The following CRMP1 variants were observed in gnomAD, a reference collection of about 807,000 sequenced individuals.
CRMP1 encodes collapsin response mediator protein 1.
A neutral mutation model predicts 68.3 loss-of-function variants in CRMP1; 19 were observed. The observed-to-expected ratio is 0.28, with a 90% CI of 0.19 to 0.41. The LOEUF (loss-of-function observed/expected upper bound fraction) is 0.41. Among genes scored for constraint, CRMP1 ranks in the 10% least tolerant of loss-of-function variants. CRMP1 has a pLI of 1.00. For missense variants in CRMP1, 791 were observed against 967.4 expected (o/e 0.82, Z 2.42); for synonymous variants, 439 against 399.6 (o/e 1.10, Z -1.18).
intron 1 of CRMP1, among the ~76,000 whole-genome samples, chr4:5,878,186 C>G (rs1433697685): frequency 6.6e-6 from 1 of 151,700 alleles, no homozygotes; most frequent in African/African-American, 2.4e-5. Flanking sequence ...GGTACAGCAG[C>G]TAGGATTTGA....
chr4:5,833,133 T>G (rs1469044190), intron 11 of CRMP1, among the ~76,000 whole-genome samples: 1 of 151,658 alleles, frequency 6.6e-6, no homozygotes. Context: ...GGCCAACACC[T>G]TGGTTTCAAC....
In CRMP1 at chr4:5,828,565, T is replaced by G; in HGVS notation, c.1727A>C (p.Asn576Thr). ...IVFEDGNINV[N>T]KGMGRFIPRK... ...CGGAATGAAGCGGCCCATGCCCTTG[T>G]TGACGTTGATGTTTCCGTCTTCAAA... Residue 576 changes from asparagine (N) to threonine (T), a missense_variant, in exon 12 of 14, where the codon AAC becomes ACC. Asn to Thr is a moderately conservative substitution (Grantham distance 65). Around this residue, in one of 3 missense-constraint regions of CRMP1, gnomAD observed 594 missense variants for 763.6 expected, o/e 0.78. Transcript: ENST00000324989. 3.1e-6 allele frequency: 5 copies of G among 1,614,216 alleles called. No individual in the cohort carries two copies. Among genetic ancestry groups the G allele is most frequent in the Non-Finnish European group, 4.2e-6 (5 of 1,180,024 alleles).
rs113302951 is a variant in CRMP1, at chr4:5,862,556, C to A, written c.471-1346G>T. Among the ~76,000 whole-genome samples the A allele has an allele frequency of 6.9e-3, 1,047 of 152,312 alleles. 13 individuals are homozygous for A. The highest frequency in any genetic ancestry group is 0.023 in the African/African-American group (976 of 41,570). ...CAACTGGAGAACAGCGTCTTCTAAG[C>A]GCATCACGGCTTCTCTCATTGAAGG... On this transcript the variant is annotated intron_variant, in intron 2 of 13. Coordinates refer to ENST00000324989, the MANE Select transcript of CRMP1 (RefSeq NM_001014809.3).
At position 5,835,931 on chromosome 4, in the gene CRMP1, G is replaced by T; in HGVS notation, c.1607C>A (p.Ala536Asp). ...AGGACTTACCGACTTGTGACTTTTG[G>T]CTGTTATGGTCTTCAACTTGTCGGG... Reference protein sequence around the residue: ...WDPDKLKTITAKSHKSAVEYN... With the variant: ...WDPDKLKTITDKSHKSAVEYN... Residue 536 changes from alanine to aspartate, a missense_variant, in exon 11 of 14, where the codon GCC becomes GAC. Around this residue, in one of 3 missense-constraint regions of CRMP1, gnomAD observed 594 missense variants for 763.6 expected, o/e 0.78. Transcript: ENST00000324989. 6.4e-7 allele frequency: 1 copy of T among 1,554,846 alleles called. No individual in the cohort carries two copies. The highest frequency in any genetic ancestry group is 8.7e-7 in the Non-Finnish European group (1 of 1,153,334).
chr4:5,843,440 G>C lies in CRMP1; in HGVS notation c.964-279C>G, dbSNP rs1026965489. On this transcript the variant is annotated intron_variant, in intron 6 of 13. Coordinates refer to ENST00000324989, the MANE Select transcript of CRMP1 (RefSeq NM_001014809.3). This position sits in a 1 kb window ranked among gnomAD's most constrained non-coding sequence, Gnocchi z 4.1. The stretch of plus-strand genomic sequence containing the variant: ...GAGGAAGCAGGGTTATAAGACACGA[G>C]CTTCCAAGGCCACCCACCACTCTCT... Among the ~76,000 whole-genome samples, 4 of 152,078 alleles carry C rather than the reference G, an allele frequency of 2.6e-5. No homozygotes were observed. The highest frequency in any genetic ancestry group is 9.7e-5 in the African/African-American group (4 of 41,418).
intron 12 of CRMP1, 151 bp downstream of exon 12, chr4:5,828,338 G>A (rs1720015612): frequency 7.0e-7 from 1 of 1,425,780 alleles, no homozygotes; most frequent in East Asian, 2.5e-5. Flanking sequence ...AGGAGCCCAG[G>A]CCAGCGTCTC....
Position 5,856,277 on chromosome 4 carries a change from C to T in CRMP1, c.686G>A (p.Ser229Asn), listed in dbSNP as rs757022185. ...IDHVVPEPGS[S>N]LLTSFEKWHE... Reference sequence around the variant, plus strand: ...CCACTTCTCGAAAGAGGTCAGTAGGCTGGACCCAGGTTCAGGAACAACATG... The same window carrying T: ...CCACTTCTCGAAAGAGGTCAGTAGGTTGGACCCAGGTTCAGGAACAACATG... The change falls in exon 4 of 14, where the codon AGC becomes AAC. Residue 229 changes from serine (S) to asparagine (N), a missense_variant. Transcript: ENST00000324989. 1 of 1,613,818 alleles carries T rather than the reference C, an allele frequency of 6.2e-7. No homozygotes were observed. Among genetic ancestry groups the T allele is most frequent in the South Asian group, 1.1e-5 (1 of 91,072 alleles).
intron 13 of CRMP1, chr4:5,824,603 A>G (rs1719238935): frequency 1.1e-6 from 1 of 952,034 alleles, no homozygotes; most frequent in African/African-American, 1.8e-5. Flanking sequence ...CTGTTTCTGT[A>G]CGATCCATGA....
chr4:5,884,387 ACACACCCC>A (rs1368002468), intron 1 of CRMP1, among the ~76,000 whole-genome samples: 1 of 151,966 alleles, frequency 6.6e-6, no homozygotes, highest in African/African-American at 2.4e-5. Flanking sequence ...AAACACACAC[ACACACCCC>A]CACACCCACA....
chr4:5,825,619 C>A lies in CRMP1; in HGVS notation c.1844G>T (p.Gly615Val), dbSNP rs1719431243. ...TGTAGCTGGTACCTCGTACACAGGA[C>A]CGTCATACATGCCCCTGGAAACCCC... is the stretch of plus-strand genomic sequence containing the variant. The part of the protein sequence containing the change: ...LQGVSRGMYD[G>V]PVYEVPATPK... The change falls in exon 13 of 14, where the codon GGT (glycine) becomes GTT (valine). Residue 615 changes from glycine to valine, a missense_variant. Gly to Val is a moderately radical substitution (Grantham distance 109). This residue lies in a region of CRMP1 where 594 missense variants were observed against 763.6 expected (regional missense o/e 0.78). Coordinates refer to ENST00000324989, the MANE Select transcript of CRMP1 (RefSeq NM_001014809.3). The surrounding 1 kb of genome is among the most constrained non-coding windows in gnomAD (Gnocchi z 4.4). The A allele has an allele frequency of 6.2e-7, 1 of 1,606,258 alleles. No homozygotes were observed. The highest frequency in any genetic ancestry group is 1.3e-5 in the African/African-American group (1 of 74,376).
chr4:5,839,792 A>C, intron 8 of CRMP1, 114 bp from the exon 9 acceptor site: 1 of 1,208,266 alleles, frequency 8.3e-7, no homozygotes, highest in Non-Finnish European at 1.1e-6. Context: ...GAAGGCCAGA[A>C]CACTGGCCAC....
chr4:5,852,427 A>G (rs1712728968), intron 4 of CRMP1, among the ~76,000 whole-genome samples: 1 of 152,204 alleles, frequency 6.6e-6, no homozygotes, highest in Non-Finnish European at 1.5e-5. Flanking sequence ...TTAGAGAAGG[A>G]CGCACTAAAA....
chr4:5,869,681 C>CAAAAAAAAAAAAAA (rs33973891), intron 1 of CRMP1, among the ~76,000 whole-genome samples: 4 of 92,914 alleles, frequency 4.3e-5, no homozygotes, highest in Non-Finnish European at 8.4e-5. Context: ...AAGACTCCGT[C>CAAAAAAAAAAAAAA]AAAAAAAAAA....
chr4:5,835,099 CCTT>C (rs1720648177), intron 11 of CRMP1, among the ~76,000 whole-genome samples: 1 of 152,200 alleles, frequency 6.6e-6, no homozygotes, highest in Admixed American at 6.5e-5. Context: ...AGCCCATACT[CCTT>C]CTGCAGTATG....
In CRMP1 at chr4:5,841,388, C is replaced by A; in HGVS notation, c.1073G>T (p.Gly358Val). ...EAVFRAITIAGRINCPVYITK... is the reference protein window; with the variant it reads ...EAVFRAITIAVRINCPVYITK... ...GATGTACACAGGGCAGTTGATCCGG[C>A]CCGCAATGGTGATGGCCCGGAACAC... The change falls in exon 8 of 14, where the codon GGC (glycine) becomes GTC (valine). Residue 358 changes from glycine (G) to valine (V), a missense_variant. By Grantham distance (109) the Gly-to-Val change is moderately radical (BLOSUM62 -3). This residue lies in a region of CRMP1 where 594 missense variants were observed against 763.6 expected (regional missense o/e 0.78). Coordinates refer to ENST00000324989, the MANE Select transcript of CRMP1 (RefSeq NM_001014809.3). This position sits in a 1 kb window ranked among gnomAD's most constrained non-coding sequence, Gnocchi z 6.9. 6.2e-7 allele frequency: 1 copy of A among 1,614,178 alleles called. No individual in the cohort carries two copies. Among genetic ancestry groups the A allele is most frequent in the East Asian group, 2.2e-5 (1 of 44,888 alleles).
rs1480286004 is a variant in CRMP1, at chr4:5,856,295, A to G, written c.668T>C (p.Val223Ala). The change falls in exon 4 of 14, where the codon GTT (valine) becomes GCT (alanine). Residue 223 changes from valine (V) to alanine (A), a missense_variant. Transcript: ENST00000324989. ...CAGTAGGCTGGACCCAGGTTCAGGAACAACATGGTCAACTGGGACAGAGAA... is the reference window on the plus strand; with the variant it reads ...CAGTAGGCTGGACCCAGGTTCAGGAGCAACATGGTCAACTGGGACAGAGAA... The part of the protein sequence containing the change: ...GGTTMIIDHV[V>A]PEPGSSLLTS... The G allele has an allele frequency of 6.2e-7, 1 of 1,613,456 alleles. No individual in the cohort carries two copies. The highest frequency in any genetic ancestry group is 8.5e-7 in the Non-Finnish European group (1 of 1,179,748).
intron 6 of CRMP1, among the ~76,000 whole-genome samples, chr4:5,849,161 T>G (rs1014788874): frequency 3.3e-5 from 5 of 152,166 alleles, no homozygotes; most frequent in African/African-American, 1.2e-4. Context: ...TGATGCCCAC[T>G]CCCAATTCCT....
rs1317767659 is a variant in CRMP1, at chr4:5,842,202, C to A, written c.1033-774G>T. ...GCAGTGAGCCAAGATGGCGCCACTTCACTCCAGCCTGGGCGACAGAGCGAG... is the reference window on the plus strand; with the variant it reads ...GCAGTGAGCCAAGATGGCGCCACTTAACTCCAGCCTGGGCGACAGAGCGAG... On this transcript the variant is annotated intron_variant, in intron 7 of 13. Transcript: ENST00000324989. This position sits in a 1 kb window ranked among gnomAD's most constrained non-coding sequence, Gnocchi z 4.5. Among the ~76,000 whole-genome samples, 1 of 152,112 alleles carries A rather than the reference C, an allele frequency of 6.6e-6. No individual in the cohort carries two copies. Among genetic ancestry groups the A allele is most frequent in the African/African-American group, 2.4e-5 (1 of 41,444 alleles).
rs1382792143 is a variant in CRMP1 at position 5,850,861 on chromosome 4, C to T, written c.882+547G>A. Among the ~76,000 whole-genome samples the T allele has an allele frequency of 2.0e-5, 3 of 152,318 alleles. No individual in the cohort carries two copies. The highest frequency in any genetic ancestry group is 2.1e-4 in the South Asian group (1 of 4,826). On this transcript the variant is annotated intron_variant, in intron 5 of 13. Transcript: ENST00000324989. This position sits in a 1 kb window ranked among gnomAD's most constrained non-coding sequence, Gnocchi z 4.4. ...ACCACTCCTCCTGAAGAACAACTTG[C>T]GGCTCCATATCCCTTGACTTGGTGC...
Sources: gnomAD v4.1 joint callset for allele counts (sites outside exome capture counted in the v4.1 genomes callset) on GRCh38, gnomAD v4.1.1 for gene constraint, gnomAD v4.1.1 regional missense constraint, Gnocchi (gnomAD v3.1) non-coding constraint, MANE v1.5 for transcripts, NCBI Gene and HGNC (gene_info 2026-07-23, HGNC 2026-07-21) for gene names.